The following EFHC1 variants were observed in gnomAD, a reference collection of about 807,000 sequenced individuals.
EFHC1 encodes EF-hand domain containing 1.
Under a neutral mutation model 69.9 loss-of-function variants are expected in EFHC1, and 53 were observed. That is an observed-to-expected ratio of 0.76 (90% CI 0.61 to 0.95). The LOEUF is 0.95. Ranked by LOEUF, EFHC1 falls within the 40% of genes least tolerant of loss-of-function variation. The pLI is 0.00. For missense variants in EFHC1, 739 were observed against 798.7 expected (o/e 0.93, Z 0.90); for synonymous variants, 256 against 278.4 (o/e 0.92, Z 0.80).
intron 2 of EFHC1, among the ~76,000 whole-genome samples, chr6:52,436,663 A>G (rs1408129323): frequency 6.6e-6 from 1 of 152,094 alleles, no homozygotes; most frequent in Non-Finnish European, 1.5e-5. Flanking sequence ...TTTTTTTGAG[A>G]TGGAGTTTCA....
chr6:52,480,016 G>A, intron 9 of EFHC1: 2 of 699,152 alleles, frequency 2.9e-6, no homozygotes, highest in East Asian at 5.4e-5. Flanking sequence ...GTGGGAGTTA[G>A]GGGTACCAGC....
rs371530492 is a variant in EFHC1 at position 52,492,244 on chromosome 6, A to G, written c.1852-26A>G. 8.4e-4 allele frequency: 1,345 copies of G among 1,607,090 alleles called. 1 individual carries two copies. The highest frequency in any genetic ancestry group is 1.1e-3 in the Non-Finnish European group (1,295 of 1,173,758). On this transcript the variant is annotated intron_variant, in intron 10 of 10. Coordinates refer to ENST00000371068, the MANE Select transcript of EFHC1 (RefSeq NM_018100.4). ...GACGGAAGCCCTGCAGATCTGTCTC[A>G]CCTATTCTCTTTGCTCTCTCTGCAG...
rs772150303 is a variant in EFHC1, at chr6:52,420,426, G to C, written c.16G>C (p.Val6Leu). 6.2e-7 allele frequency: 1 copy of C among 1,614,124 alleles called. No homozygotes were observed. Among genetic ancestry groups the C allele is most frequent in the Non-Finnish European group, 8.5e-7 (1 of 1,180,054 alleles). MVSNP[V>L]HGLPFLPGTS... ...ACCGGCTGCAATGGTGTCCAATCCC[G>C]TGCATGGCTTGCCCTTTCTTCCGGG... The change falls in exon 1 of 11, where the codon GTG becomes CTG. Residue 6 changes from valine to leucine, a missense_variant. Transcript: ENST00000371068.
chr6:52,479,660 A>T lies in EFHC1; in HGVS notation c.1513A>T (p.Ile505Phe). ...TCCAGTGTTTGGTCACCGGTTCATC[A>T]TCCTTGATACAGACGAGTATGTTTT... ...VIEVFGHRFIILDTDEYVLKY... is the reference protein window; with the variant it reads ...VIEVFGHRFIFLDTDEYVLKY... The change falls in exon 9 of 11, where the codon ATC (isoleucine) becomes TTC (phenylalanine). Residue 505 changes from isoleucine (I) to phenylalanine (F), a missense_variant. Ile to Phe is a conservative substitution (Grantham distance 21, BLOSUM62 0). Transcript: ENST00000371068. The T allele has an allele frequency of 1.2e-6, 2 of 1,614,200 alleles. No homozygotes were observed. The highest frequency in any genetic ancestry group is 1.7e-6 in the Non-Finnish European group (2 of 1,180,040).
rs543047618 is a variant in EFHC1 at position 52,438,173 on chromosome 6, A to T, written c.286-131A>T. 1.3e-5 allele frequency: 12 copies of T among 897,642 alleles called. No individual in the cohort carries two copies. The African/African-American group carries it at 2.0e-4, about 15-fold the overall frequency. 55.6% of individuals were successfully genotyped at this position (897,642 alleles called of 1,614,324 possible). ...GTATCTGTAGTTTTAGAGTATCAAG[A>T]TTTACAGGATAGAAGTGATGAGTGT... On this transcript the variant is annotated intron_variant, in intron 2 of 10. Coordinates refer to ENST00000371068, the MANE Select transcript of EFHC1 (RefSeq NM_018100.4).
At chr6:52,484,611 G>C (rs1765749168) in intron 9 of EFHC1, 1 of 152,172 alleles carries the variant, frequency 6.6e-6, no homozygotes. Context: ...GAAAACAAGA[G>C]TAAAAAGACA....
intron 1 of EFHC1, 121 bp from the exon 2 acceptor site, chr6:52,423,825 T>C (rs755715207): frequency 2.1e-5 from 32 of 1,539,552 alleles, no homozygotes; most frequent in South Asian, 1.2e-4. Context: ...GTAAGCTTCT[T>C]GATGTAAGTT....
At chr6:52,458,662 T>TA (rs35053614) in intron 5 of EFHC1, among the ~76,000 whole-genome samples, 61,431 of 151,864 alleles carry the variant, frequency 0.4, 12,879 homozygotes, top group African/African-American at 0.51. Flanking sequence ...GGAATGCTTA[T>TA]CACTGTTGGT....
In EFHC1 at chr6:52,479,096, C is replaced by G. The variant is rs546464826; in HGVS notation, c.1338C>G (p.Thr446=). 4 of 1,614,066 alleles carry G rather than the reference C, an allele frequency of 2.5e-6. No homozygotes were observed. The highest frequency in any genetic ancestry group is 2.2e-5 in the East Asian group (1 of 44,890). Residue 446 remains threonine (T), a synonymous_variant, in exon 8 of 11, where the codon ACC becomes ACG. Coordinates refer to ENST00000371068, the MANE Select transcript of EFHC1 (RefSeq NM_018100.4). ...RRFVFSYFLA[T]DMISIFEPPV... ...TTGTCTTCTCTTACTTTCTAGCTAC[C>G]GACATGATCAGTATCTTTGAGCCTC...
intron 8 of EFHC1, 52 bp from the exon 9 acceptor site, chr6:52,479,588 G>C (rs947210735): frequency 6.2e-7 from 1 of 1,613,112 alleles, no homozygotes; most frequent in African/African-American, 1.3e-5. Flanking sequence ...TTTTACTCCT[G>C]ATTGCGTGAG....
chr6:52,427,143 C>T (rs1320172298), intron 2 of EFHC1, among the ~76,000 whole-genome samples: 3 of 152,136 alleles, frequency 2.0e-5, no homozygotes, highest in African/African-American at 7.2e-5. Context: ...CTCACTATTA[C>T]CATAAATTTA....
chr6:52,487,509 A>G (rs930954944), intron 9 of EFHC1: 5 of 152,224 alleles, frequency 3.3e-5, no homozygotes, highest in Non-Finnish European at 5.9e-5. Context: ...GTCTTTGTCC[A>G]TCTGAGCCAC....
chr6:52,479,944 C>A, intron 9 of EFHC1, 157 bp downstream of exon 9: 1 of 1,171,478 alleles, frequency 8.5e-7, no homozygotes, highest in Non-Finnish European at 1.2e-6. Flanking sequence ...AATGTAATAG[C>A]TAGTAACTTA....
chr6:52,463,564 A>G (rs1300212388), intron 5 of EFHC1, among the ~76,000 whole-genome samples: 1 of 152,200 alleles, frequency 6.6e-6, no homozygotes, highest in African/African-American at 2.4e-5. Context: ...AGTGAAACCA[A>G]AGTCACCATG....
chr6:52,467,259 G>T (rs12192493), intron 6 of EFHC1, among the ~76,000 whole-genome samples: 27,093 of 150,522 alleles, frequency 0.18, 2,887 homozygotes, highest in Non-Finnish European at 0.24. Flanking sequence ...TTGGCTCACT[G>T]CAACGTCCAC....
intron 2 of EFHC1, among the ~76,000 whole-genome samples, chr6:52,438,098 T>TA (rs1278252403): frequency 2.0e-5 from 3 of 152,002 alleles, no homozygotes; most frequent in African/African-American, 4.8e-5. Context: ...TTGCAGGTCA[T>TA]AAAAAAAACA....
intron 9 of EFHC1, 44 bp downstream of exon 9, chr6:52,479,831 G>A: frequency 6.2e-7 from 1 of 1,610,300 alleles, no homozygotes; most frequent in African/African-American, 1.3e-5. Flanking sequence ...AAGATATTCA[G>A]GAAGTAATTC....
rs564646117 is a variant in EFHC1 at position 52,430,568 on chromosome 6, G to A, written c.285+6401G>A. ...TCCCTGGTATGAAAACCACTTAATC[G>A]TGGTGGATTATCTTTTTCATATGTT... On this transcript the variant is annotated intron_variant, in intron 2 of 10. Coordinates refer to ENST00000371068, the MANE Select transcript of EFHC1 (RefSeq NM_018100.4). Among the ~76,000 whole-genome samples, 7 of 152,194 alleles carry A rather than the reference G, an allele frequency of 4.6e-5. No individual in the cohort carries two copies. The East Asian group carries it at 7.7e-4, about 17-fold the overall frequency.
chr6:52,442,381 T>A (rs183039742), intron 3 of EFHC1, among the ~76,000 whole-genome samples: 2 of 152,296 alleles, frequency 1.3e-5, no homozygotes, highest in Non-Finnish European at 2.9e-5. Flanking sequence ...TGTGCCATGT[T>A]GGTGTGCTGT....
Sources: gnomAD v4.1 joint callset for allele counts (sites outside exome capture counted in the v4.1 genomes callset) on GRCh38, gnomAD v4.1.1 for gene constraint, MANE v1.5 for transcripts, NCBI Gene and HGNC (gene_info 2026-07-23, HGNC 2026-07-21) for gene names.